The following HELLS variants were observed in gnomAD, a reference collection of about 807,000 sequenced individuals.
HELLS encodes the protein helicase, lymphoid specific.
In HELLS, 32 loss-of-function variants were observed where a neutral mutation model predicts 120.0. The observed-to-expected ratio is 0.27, with a 90% CI of 0.20 to 0.36. HELLS has a LOEUF of 0.36. HELLS is among the 10% of genes least tolerant of loss of function. The pLI is 1.00. For synonymous variants in HELLS, 341 were observed against 323.4 expected, an observed-to-expected ratio of 1.05 and a Z score of -0.58; for missense variants, 650 against 993.4, an observed-to-expected ratio of 0.65 and a Z score of 4.65.
At chr10:94,557,682 T>G (rs1011844052) in intron 3 of HELLS, among the ~76,000 whole-genome samples, 1 of 152,190 alleles carries the variant, frequency 6.6e-6, no homozygotes, top group African/African-American at 2.4e-5. Context: ...GAGAGAGAGA[T>G]AACAGCTGCC....
At chr10:94,571,966 T>C (rs1844195682) in intron 7 of HELLS, among the ~76,000 whole-genome samples, 1 of 152,200 alleles carries the variant, frequency 6.6e-6, no homozygotes, top group Admixed American at 6.5e-5. Context: ...AAAATATTCA[T>C]GAATGGATAT....
intron 10 of HELLS, 127 bp from the exon 11 acceptor site, chr10:94,581,199 T>C: frequency 1.8e-6 from 1 of 554,646 alleles, no homozygotes. Flanking sequence ...ATTTCAGTAG[T>C]TACTGAAATT....
intron 19 of HELLS, among the ~76,000 whole-genome samples, chr10:94,595,618 A>G (rs979712938): frequency 6.6e-6 from 1 of 152,136 alleles, no homozygotes; most frequent in Admixed American, 6.5e-5. Flanking sequence ...GGTCTCAACA[A>G]TGCTTTTTAA....
chr10:94,573,821 TTAATCC>T, intron 7 of HELLS, 133 bp from the exon 8 acceptor site: 1 of 539,866 alleles, frequency 1.9e-6, no homozygotes. Context: ...CTCCAGTTTT[TTAATCC>T]AGGTGTGATC....
At chr10:94,547,683 T>G (rs1159250410) in intron 2 of HELLS, among the ~76,000 whole-genome samples, 2 of 152,230 alleles carry the variant, frequency 1.3e-5, no homozygotes, top group African/African-American at 4.8e-5. Context: ...ATTGCTATTA[T>G]TGAACTACAC....
At chr10:94,547,721 A>C (rs1163586749) in intron 2 of HELLS, among the ~76,000 whole-genome samples, 1 of 152,170 alleles carries the variant, frequency 6.6e-6, no homozygotes, top group Non-Finnish European at 1.5e-5. Flanking sequence ...TAGTCATCTT[A>C]TTTTACAGAT....
Position 94,573,944 on chromosome 10 carries a change from C to T in HELLS, c.478-16C>T, listed in dbSNP as rs1048177248. On this transcript the variant is annotated splice_polypyrimidine_tract_variant and intron_variant, in intron 7 of 21. Coordinates refer to ENST00000348459, the MANE Select transcript of HELLS (RefSeq NM_018063.5). ...ATTTTGTATAACACATCTTATTAAACTTTTTTTCTCTACAGGATGAAAACT... is the reference window on the plus strand; with the variant it reads ...ATTTTGTATAACACATCTTATTAAATTTTTTTTCTCTACAGGATGAAAACT... The T allele has an allele frequency of 6.6e-7, 1 of 1,509,834 alleles. No homozygotes were observed. 93.5% of individuals were successfully genotyped at this position (1,509,834 alleles called of 1,614,324 possible). A position where few individuals can be genotyped will look rare whatever the true frequency, so the allele number is the denominator to read the frequency against.
intron 13 of HELLS, among the ~76,000 whole-genome samples, chr10:94,589,230 C>G (rs1443353668): frequency 6.6e-6 from 1 of 152,184 alleles, no homozygotes; most frequent in Admixed American, 6.5e-5. Context: ...CTTGGAAATG[C>G]ATTTTTAACA....
downstream of HELLS, among the ~76,000 whole-genome samples, chr10:94,604,143 T>A (rs914080200): frequency 1.8e-4 from 27 of 150,178 alleles, no homozygotes; most frequent in Admixed American, 6.6e-4. Context: ...TTTTTTTTTT[T>A]ATAAACAGTT....
Position 94,545,871 on chromosome 10 carries a change from C to T in HELLS, c.-51C>T, listed in dbSNP as rs1377860698. ...GCGGTTGTGAGGAGTTAGCTCGCGG[C>T]ATTGCAGGCTCTGAGAGGAGGGGAC... On this transcript the variant is annotated 5_prime_UTR_variant, in exon 1 of 22. Transcript: ENST00000348459. 23 of 1,545,374 alleles carry T rather than the reference C, an allele frequency of 1.5e-5. No individual in the cohort carries two copies. Among genetic ancestry groups the T allele is most frequent in the Non-Finnish European group, 2.0e-5 (23 of 1,141,136 alleles).
At chr10:94,609,368 CT>C (rs1846165499) in intron 9 of HELLS, among the ~76,000 whole-genome samples, 1 of 152,188 alleles carries the variant, frequency 6.6e-6, no homozygotes, top group Non-Finnish European at 1.5e-5. Context: ...ATTAGCTTCT[CT>C]TTGCCCTTTT....
At chr10:94,582,331 G>A (rs556703747) in intron 11 of HELLS, among the ~76,000 whole-genome samples, 1 of 152,306 alleles carries the variant, frequency 6.6e-6, no homozygotes, top group Admixed American at 6.5e-5. Context: ...CAGTGTCAAG[G>A]TAGGAGTTGA....
At position 94,545,846 on chromosome 10, in the gene HELLS, G is replaced by A; in HGVS notation, c.-76G>A. ...ATTTGGCTAGAAGGCTGGGCCGGCA[G>A]CGGTTGTGAGGAGTTAGCTCGCGGC... On this transcript the variant is annotated 5_prime_UTR_variant, in exon 1 of 22. Transcript: ENST00000348459. 2.7e-6 allele frequency: 4 copies of A among 1,481,736 alleles called. No homozygotes were observed. The highest frequency in any genetic ancestry group is 2.5e-5 in the East Asian group (1 of 40,572). The allele number at this position is 1,481,736 out of a possible 1,614,324, so 91.8% of individuals were successfully genotyped here.
chr10:94,553,621 A>G (rs1310048363), intron 2 of HELLS, among the ~76,000 whole-genome samples: 2 of 131,534 alleles, frequency 1.5e-5, no homozygotes, highest in African/African-American at 6.0e-5. Context: ...ATCTCGGCTC[A>G]CTGCAGCCTC....
chr10:94,611,394 GACC>G (rs1189209993), exon 10 of HELLS: 1 of 152,048 alleles, frequency 6.6e-6, no homozygotes, highest in Non-Finnish European at 1.5e-5. Context: ...AACTCAAAGA[GACC>G]ACCACCACTA....
intron 2 of HELLS, among the ~76,000 whole-genome samples, chr10:94,548,306 T>A (rs547371233): frequency 6.6e-6 from 1 of 152,360 alleles, no homozygotes; most frequent in African/African-American, 2.4e-5. Flanking sequence ...GTATAAATTC[T>A]GGGGCAAGTG....
At position 94,594,729 on chromosome 10, in the gene HELLS, G is replaced by T. The variant is rs778279847; in HGVS notation, c.2123G>T (p.Cys708Phe). The change falls in exon 19 of 22, where the codon TGT (cysteine) becomes TTT (phenylalanine). Residue 708 changes from cysteine (C) to phenylalanine (F), a missense_variant. Cys to Phe is a radical substitution (Grantham distance 205, BLOSUM62 -2). Around this residue, in one of 9 missense-constraint regions of HELLS, gnomAD observed 22 missense variants for 78.2 expected, o/e 0.28. Transcript: ENST00000348459. ...PQSDLQAQDR[C>F]HRIGQTKPVV... ...TCGGATCTTCAGGCCCAGGATAGAT[G>T]TCATAGAATTGGTCAGACAAAGCCA... The T allele has an allele frequency of 6.2e-7, 1 of 1,613,802 alleles. No homozygotes were observed. The highest frequency in any genetic ancestry group is 1.1e-5 in the South Asian group (1 of 91,056).
chr10:94,594,524 C>T (rs796518118), intron 18 of HELLS, among the ~76,000 whole-genome samples, 171 bp from the exon 19 acceptor site: 13 of 152,110 alleles, frequency 8.5e-5, no homozygotes, highest in African/African-American at 2.4e-4. Flanking sequence ...TTAATATTGT[C>T]AAGGATCTGT....
chr10:94,605,574 C>T (rs1846119509), downstream of HELLS, among the ~76,000 whole-genome samples: 1 of 150,768 alleles, frequency 6.6e-6, no homozygotes, highest in African/African-American at 2.4e-5. Context: ...TTATTATCTT[C>T]TCAGAATTTC....
Sources: gnomAD v4.1 joint callset for allele counts (sites outside exome capture counted in the v4.1 genomes callset) on GRCh38, gnomAD v4.1.1 for gene constraint, gnomAD v4.1.1 regional missense constraint, MANE v1.5 for transcripts, NCBI Gene and HGNC (gene_info 2026-07-23, HGNC 2026-07-21) for gene names.